The following ZNF454 variants were observed in gnomAD, a reference collection of about 807,000 sequenced individuals.
The protein encoded by ZNF454 is zinc finger protein 454.
In ZNF454, 30 loss-of-function variants were observed where a neutral mutation model predicts 48.2. The observed-to-expected ratio is 0.62, with a 90% confidence interval of 0.47 to 0.84. The LOEUF (loss-of-function observed/expected upper bound fraction) is 0.84. Ranked by LOEUF, ZNF454 falls within the 40% of genes least tolerant of loss-of-function variation. The pLI is 0.00. For missense variants in ZNF454, 510 were observed against 623.1 expected, an observed-to-expected ratio of 0.82 and a Z score of 1.93; for synonymous variants, 204 against 211.4, an observed-to-expected ratio of 0.97 and a Z score of 0.30.
At chr5:178,977,013 G>C in the ZNF454 span, among the ~76,000 whole-genome samples, 1 of 152,242 alleles carries the variant, frequency 6.6e-6, no homozygotes, top group Non-Finnish European at 1.5e-5. Flanking sequence ...GTAAATTTGA[G>C]AATAAACCAC....
At chr5:178,957,757 A>G (rs758741954) in intron 4 of ZNF454, among the ~76,000 whole-genome samples, 3 of 152,178 alleles carry the variant, frequency 2.0e-5, no homozygotes, top group Non-Finnish European at 4.4e-5. Flanking sequence ...TGCAGGCTAA[A>G]TCAGTGCCAG....
At chr5:178,986,416 GTGT>G in the ZNF454 span, 32 of 1,613,588 alleles carry the variant, frequency 2.0e-5, no homozygotes, top group Non-Finnish European at 2.5e-5. Flanking sequence ...GACGATGGGC[GTGT>G]TGTTGTACCG....
the ZNF454 span, chr5:178,985,282 T>C: frequency 3.1e-3 from 1,412 of 456,420 alleles, 14 homozygotes; most frequent in African/African-American, 0.025. Flanking sequence ...TACAGAAAGA[T>C]CTCTGGAGGC....
chr5:178,986,524 A>G, the ZNF454 span: 1 of 1,608,472 alleles, frequency 6.2e-7, no homozygotes, highest in South Asian at 1.1e-5. Flanking sequence ...GCTCAGGCGC[A>G]CCACAGGTGT....
intron 1 of ZNF454, chr5:178,942,281 G>A (rs1368509976): frequency 1.3e-5 from 2 of 153,064 alleles, no homozygotes; most frequent in South Asian, 2.0e-4. Flanking sequence ...TGGCGGGTGC[G>A]TGTAATCCCA....
At chr5:178,953,093 C>T (rs1225297690) in intron 4 of ZNF454, among the ~76,000 whole-genome samples, 1 of 152,040 alleles carries the variant, frequency 6.6e-6, no homozygotes, top group Non-Finnish European at 1.5e-5. Flanking sequence ...TCCATTTCTG[C>T]AAGTGACATG....
At chr5:178,963,967 C>T (rs1253308492) in intron 4 of ZNF454, among the ~76,000 whole-genome samples, 1 of 151,772 alleles carries the variant, frequency 6.6e-6, no homozygotes, top group African/African-American at 2.4e-5. Context: ...CTTTAAAAAT[C>T]ATCTCATTTG....
the ZNF454 span, chr5:178,986,966 C>A: frequency 3.1e-6 from 5 of 1,613,818 alleles, no homozygotes; most frequent in East Asian, 6.7e-5. Flanking sequence ...TTGAACATCA[C>A]AGGGGTTCCT....
chr5:178,947,082 G>A (rs1581859763), intron 4 of ZNF454, 96 bp downstream of exon 4: 1 of 971,348 alleles, frequency 1.0e-6, no homozygotes, highest in Non-Finnish European at 1.6e-6. Context: ...GCACCTGCCT[G>A]AGGATTGAGA....
At chr5:178,971,960 GTCTC>G in the ZNF454 span, among the ~76,000 whole-genome samples, 6 of 152,114 alleles carry the variant, frequency 3.9e-5, no homozygotes, top group African/African-American at 7.2e-5. Context: ...TTGAGATGGA[GTCTC>G]ACTCTGTCAC....
the ZNF454 span, chr5:178,976,108 C>T: frequency 2.0e-5 from 9 of 455,674 alleles, no homozygotes; most frequent in African/African-American, 4.0e-5. Context: ...ACTTGCCACT[C>T]CGCCTGCAGG....
chr5:178,943,898 GCGC>G (rs2113172200), intron 2 of ZNF454, among the ~76,000 whole-genome samples: 1 of 152,114 alleles, frequency 6.6e-6, no homozygotes, highest in South Asian at 2.1e-4. Flanking sequence ...GTGGTGGTGG[GCGC>G]CTGTAGTCCC....
intron 4 of ZNF454, among the ~76,000 whole-genome samples, chr5:178,956,450 G>A (rs987211141): frequency 6.7e-6 from 1 of 148,376 alleles, no homozygotes; most frequent in East Asian, 2.0e-4. Flanking sequence ...ACAGTTCTCC[G>A]GCCCCAACAC....
At chr5:178,982,697 A>AAAAAAAG in the ZNF454 span, 3 of 366,690 alleles carry the variant, frequency 8.2e-6, no homozygotes, top group Middle Eastern at 7.3e-4. Flanking sequence ...AATGATAAAA[A>AAAAAAAG]AAAAAAAGAA....
chr5:178,988,607 C>T, the ZNF454 span, among the ~76,000 whole-genome samples: 1 of 152,148 alleles, frequency 6.6e-6, no homozygotes, highest in Admixed American at 6.5e-5. This position sits in a 1 kb window ranked among gnomAD's most constrained non-coding sequence, Gnocchi z 6.0. Context: ...CCACGTGCAC[C>T]CCCAGGGTCC....
Position 178,941,721 on chromosome 5 carries a change from G to A in ZNF454, c.-108+277G>A, listed in dbSNP as rs1408902439. Among the ~76,000 whole-genome samples, 38 of 152,188 alleles carry A rather than the reference G, an allele frequency of 2.5e-4. No individual in the cohort carries two copies. Among genetic ancestry groups the A allele is most frequent in the Admixed American group, 2.5e-3 (38 of 15,282 alleles). On this transcript the variant is annotated intron_variant, in intron 1 of 4. Transcript: ENST00000519564. The surrounding 1 kb of genome is among the most constrained non-coding windows in gnomAD (Gnocchi z 5.5). ...GGACCTGGCGAAGCGGCAGGGGCGG[G>A]ACGGGGCTGTGTGTGATTAGGGTTC... is the stretch of plus-strand genomic sequence containing the variant.
chr5:178,973,131 G>T, the ZNF454 span, among the ~76,000 whole-genome samples: 2 of 141,460 alleles, frequency 1.4e-5, no homozygotes, highest in Admixed American at 7.4e-5. Flanking sequence ...CTCTGTCTCT[G>T]TCCCTCTCTC....
chr5:178,986,967 A>G, the ZNF454 span: 8 of 1,613,758 alleles, frequency 5.0e-6, no homozygotes, highest in Non-Finnish European at 5.9e-6. Flanking sequence ...TGAACATCAC[A>G]GGGGTTCCTG....
chr5:178,956,026 A>G (rs1250780403), intron 4 of ZNF454, among the ~76,000 whole-genome samples: 1 of 152,102 alleles, frequency 6.6e-6, no homozygotes, highest in Non-Finnish European at 1.5e-5. Flanking sequence ...CCCTTCTCTC[A>G]GGAACCACTG....
Sources: allele counts gnomAD v4.1 joint callset (sites outside exome capture counted in the v4.1 genomes callset), GRCh38; gene constraint gnomAD v4.1.1; non-coding constraint Gnocchi (gnomAD v3.1); transcripts MANE v1.5; gene names NCBI Gene and HGNC (gene_info 2026-07-23, HGNC 2026-07-21).